The following LRRC8C variants were observed in gnomAD, a reference collection of about 807,000 sequenced individuals.
The protein encoded by LRRC8C is leucine rich repeat containing 8 VRAC subunit C.
LRRC8C carries 20 observed loss-of-function variants against 55.3 expected under a neutral mutation model. That is an observed-to-expected ratio of 0.36 (90% CI 0.25 to 0.53). The LOEUF (loss-of-function observed/expected upper bound fraction) is 0.53, where lower values mean the gene tolerates loss of function less well. Ranked by LOEUF, LRRC8C falls within the 20% of genes least tolerant of loss-of-function variation. The probability of loss-of-function intolerance (pLI) is 0.92; values close to 1 mark genes in which losing one functional copy is unlikely to be tolerated. For missense variants in LRRC8C, 659 were observed against 951.4 expected (o/e 0.69, Z 4.04); for synonymous variants, 376 against 360.7 (o/e 1.04, Z -0.48).
chr1:89,705,907 G>T (rs1457327279), intron 2 of LRRC8C, among the ~76,000 whole-genome samples: 1 of 152,020 alleles, frequency 6.6e-6, no homozygotes, highest in South Asian at 2.1e-4. Context: ...CTCTTGAAAG[G>T]CACAAAATTA....
At chr1:89,683,519 A>T (rs1657786946) in intron 1 of LRRC8C, among the ~76,000 whole-genome samples, 1 of 151,888 alleles carries the variant, frequency 6.6e-6, no homozygotes. Context: ...CACCACGCCC[A>T]GCTAATTTTT....
intron 1 of LRRC8C, among the ~76,000 whole-genome samples, chr1:89,648,865 C>A (rs1310724400): frequency 1.3e-5 from 2 of 152,176 alleles, no homozygotes; most frequent in Non-Finnish European, 2.9e-5. Context: ...TAACTTCTTT[C>A]ACTTAGCATA....
chr1:89,697,768 C>T (rs548894097), intron 2 of LRRC8C, among the ~76,000 whole-genome samples: 1 of 152,222 alleles, frequency 6.6e-6, no homozygotes, highest in Non-Finnish European at 1.5e-5. Context: ...ATCTCACCCA[C>T]CCCCTTCATT....
Position 89,712,785 on chromosome 1 carries a change from C to A in LRRC8C, c.215C>A (p.Ser72Tyr). ...AACCACTCTTCCCTTTCGAATGTCT[C>A]TCAAGCAGTTGCCAGTACCACTCCA... ...AQNHSSLSNV[S>Y]QAVASTTPLP... The change falls in exon 3 of 3, where the codon TCT becomes TAT. Residue 72 changes from serine to tyrosine, a missense_variant. Physicochemically the swap from Ser to Tyr is moderately radical, Grantham distance 144. Coordinates refer to ENST00000370454, the MANE Select transcript of LRRC8C (RefSeq NM_032270.5). The A allele has an allele frequency of 6.2e-7, 1 of 1,614,188 alleles. No individual in the cohort carries two copies. The highest frequency in any genetic ancestry group is 8.5e-7 in the Non-Finnish European group (1 of 1,180,032).
chr1:89,629,715 T>C (rs1022625681), upstream of LRRC8C: 12 of 152,230 alleles, frequency 7.9e-5, no homozygotes, highest in African/African-American at 2.9e-4. Flanking sequence ...GATACAGCCC[T>C]GCCCTGGAGA....
At chr1:89,676,880 G>T (rs1657562859) in intron 1 of LRRC8C, among the ~76,000 whole-genome samples, 1 of 152,168 alleles carries the variant, frequency 6.6e-6, no homozygotes, top group African/African-American at 2.4e-5. Flanking sequence ...CTAGCACAGA[G>T]CCTGACATAC....
intron 1 of LRRC8C, among the ~76,000 whole-genome samples, chr1:89,658,602 G>T (rs1657013785): frequency 6.6e-6 from 1 of 152,004 alleles, no homozygotes; most frequent in Non-Finnish European, 1.5e-5. Context: ...TTTATATCAG[G>T]ATCACCTATG....
the LRRC8C span, among the ~76,000 whole-genome samples, chr1:89,618,037 T>TTA: frequency 2.4e-4 from 36 of 152,154 alleles, no homozygotes; most frequent in Middle Eastern, 6.8e-3. Flanking sequence ...TGGGCTTTCA[T>TTA]TATATATATA....
chr1:89,680,785 C>G (rs1406967345), intron 1 of LRRC8C, among the ~76,000 whole-genome samples: 2 of 150,848 alleles, frequency 1.3e-5, no homozygotes, highest in African/African-American at 4.9e-5. Context: ...GGTCTTAAAC[C>G]TCTGATCTCA....
chr1:89,627,600 C>T, the LRRC8C span, among the ~76,000 whole-genome samples: 1 of 152,098 alleles, frequency 6.6e-6, no homozygotes, highest in Non-Finnish European at 1.5e-5. Context: ...ACTGAAATAA[C>T]TGATGGGTTC....
intron 1 of LRRC8C, among the ~76,000 whole-genome samples, chr1:89,676,975 T>C (rs1387748682): frequency 1.3e-5 from 2 of 152,198 alleles, no homozygotes; most frequent in African/African-American, 4.8e-5. Flanking sequence ...CTACTGATCA[T>C]AGATTTTTAG....
At chr1:89,671,613 G>A (rs963887545) in intron 1 of LRRC8C, among the ~76,000 whole-genome samples, 3 of 152,136 alleles carry the variant, frequency 2.0e-5, no homozygotes, top group Admixed American at 6.5e-5. Context: ...AGATTCTAAC[G>A]GCCTTCAGTG....
intron 2 of LRRC8C, among the ~76,000 whole-genome samples, chr1:89,712,501 A>G (rs1404027533): frequency 6.6e-6 from 1 of 152,212 alleles, no homozygotes; most frequent in Non-Finnish European, 1.5e-5. Context: ...GTTTTATGTC[A>G]TAACTTAGAC....
intron 2 of LRRC8C, 120 bp from the exon 3 acceptor site, chr1:89,712,589 G>C (rs1658679705): frequency 5.9e-6 from 4 of 677,024 alleles, no homozygotes; most frequent in Non-Finnish European, 1.0e-5. Flanking sequence ...ATTGAACGTT[G>C]TATTCTCCAG....
At chr1:89,685,338 A>G (rs1657844443) in intron 1 of LRRC8C, among the ~76,000 whole-genome samples, 1 of 140,960 alleles carries the variant, frequency 7.1e-6, no homozygotes, top group Admixed American at 7.1e-5. Flanking sequence ...GATGGTCTTG[A>G]TCTCCTGACC....
intron 1 of LRRC8C, among the ~76,000 whole-genome samples, chr1:89,667,646 G>T (rs963331200): frequency 9.9e-5 from 15 of 152,118 alleles, no homozygotes; most frequent in African/African-American, 3.6e-4. Flanking sequence ...TAAGCTGAAG[G>T]CATTTGAGCC....
intron 1 of LRRC8C, among the ~76,000 whole-genome samples, chr1:89,638,798 G>A (rs1041644576): frequency 3.3e-5 from 5 of 151,880 alleles, no homozygotes; most frequent in Non-Finnish European, 5.9e-5. Flanking sequence ...TTATTTCCTG[G>A]AAGGGAAGCC....
chr1:89,671,791 C>T (rs1171694720), intron 1 of LRRC8C, among the ~76,000 whole-genome samples: 1 of 152,222 alleles, frequency 6.6e-6, no homozygotes, highest in East Asian at 1.9e-4. Flanking sequence ...TTCTAGAAGG[C>T]AGTTTTCTCC....
At chr1:89,697,666 T>A (rs559643108) in intron 2 of LRRC8C, among the ~76,000 whole-genome samples, 25 of 152,368 alleles carry the variant, frequency 1.6e-4, no homozygotes, top group Non-Finnish European at 3.1e-4. Flanking sequence ...GCTTTCCACA[T>A]AGATCTTAAA....
Sources: gnomAD v4.1 joint callset for allele counts (sites outside exome capture counted in the v4.1 genomes callset) on GRCh38, gnomAD v4.1.1 for gene constraint, MANE v1.5 for transcripts, NCBI Gene and HGNC (gene_info 2026-07-23, HGNC 2026-07-21) for gene names.